SPAG17: variants seen among roughly 807,000 people sequenced by gnomAD.
SPAG17 encodes the protein sperm associated antigen 17.
A neutral mutation model predicts 273.6 loss-of-function variants in SPAG17; 169 were observed. That is an observed-to-expected ratio of 0.62 (90% CI 0.55 to 0.70). The LOEUF (loss-of-function observed/expected upper bound fraction) is 0.70, where lower values mean the gene tolerates loss of function less well. SPAG17 is among the 30% of genes least tolerant of loss of function. SPAG17 has a pLI of 0.00. For missense variants in SPAG17, 2,557 were observed against 2,627.8 expected (o/e 0.97, Z 0.59); for synonymous variants, 825 against 873.2 (o/e 0.94, Z 0.97).
intron 12 of SPAG17, 57 bp downstream of exon 12, chr1:118,086,614 A>G: frequency 7.1e-7 from 1 of 1,416,204 alleles, no homozygotes; most frequent in East Asian, 2.3e-5. Context: ...TCAACTGAAT[A>G]GTTATAAACA....
intron 29 of SPAG17, among the ~76,000 whole-genome samples, chr1:118,015,647 A>C (rs1659884732): frequency 6.6e-6 from 1 of 152,152 alleles, no homozygotes; most frequent in Admixed American, 6.5e-5. Context: ...CGACATCATT[A>C]ATCACATATA....
At chr1:118,059,791 T>C (rs1380876425) in intron 18 of SPAG17, among the ~76,000 whole-genome samples, 3 of 152,116 alleles carry the variant, frequency 2.0e-5, no homozygotes, top group African/African-American at 4.8e-5. Context: ...GCATGGAATA[T>C]CTTTTTCTCT....
At chr1:118,121,359 TGACTTTAGTGATATATATCAGGGG>T (rs1050040325) in intron 3 of SPAG17, among the ~76,000 whole-genome samples, 5 of 152,098 alleles carry the variant, frequency 3.3e-5, no homozygotes, top group Non-Finnish European at 7.4e-5. Flanking sequence ...ATGTGGTGTG[TGACTTTAGTGATATATATCAGGGG>T]GTCCCATCCC....
chr1:117,992,787 T>C, intron 35 of SPAG17, 139 bp from the exon 36 acceptor site: 1 of 737,190 alleles, frequency 1.4e-6, no homozygotes, highest in East Asian at 3.0e-5. Context: ...ATCCTTAACC[T>C]CAAAAAGTTC....
intron 46 of SPAG17, among the ~76,000 whole-genome samples, chr1:117,967,412 G>T (rs1313002504): frequency 6.6e-6 from 1 of 151,516 alleles, no homozygotes. Context: ...CACATTAGAA[G>T]AAGAAGTATT....
At chr1:117,995,843 T>A (rs777655953) in intron 34 of SPAG17, among the ~76,000 whole-genome samples, 4 of 152,070 alleles carry the variant, frequency 2.6e-5, no homozygotes, top group Non-Finnish European at 5.9e-5. Context: ...TAATGTTTTA[T>A]GTATCTCTAA....
chr1:118,121,021 C>T (rs1412990718), intron 3 of SPAG17, among the ~76,000 whole-genome samples: 2 of 152,090 alleles, frequency 1.3e-5, no homozygotes, highest in East Asian at 1.9e-4. Flanking sequence ...TTTGAAATGC[C>T]TGTCTGGCTC....
At chr1:118,116,271 C>T in intron 3 of SPAG17, among the ~76,000 whole-genome samples, 1 of 152,142 alleles carries the variant, frequency 6.6e-6, no homozygotes, top group East Asian at 1.9e-4. Context: ...TCTCTTTATT[C>T]ATGTTGTCTC....
chr1:117,989,956 T>C (rs544713847), intron 38 of SPAG17, among the ~76,000 whole-genome samples: 1 of 152,260 alleles, frequency 6.6e-6, no homozygotes, highest in East Asian at 1.9e-4. Context: ...AAAAAAATTA[T>C]TTGTCATTCA....
intron 32 of SPAG17, among the ~76,000 whole-genome samples, chr1:117,997,566 T>TAAAA (rs11428560): frequency 8.1e-6 from 1 of 123,400 alleles, no homozygotes; most frequent in African/African-American, 2.9e-5. Flanking sequence ...GAATGAGAAG[T>TAAAA]AAAAAAAAAA....
chr1:117,966,806 C>G, intron 46 of SPAG17, 53 bp from the exon 47 acceptor site: 1 of 1,476,328 alleles, frequency 6.8e-7, no homozygotes, highest in Non-Finnish European at 9.1e-7. Flanking sequence ...TCAAACCTTG[C>G]TTTTAATAAT....
intron 43 of SPAG17, among the ~76,000 whole-genome samples, chr1:117,973,936 C>T (rs1443897472): frequency 6.6e-6 from 1 of 152,158 alleles, no homozygotes; most frequent in African/African-American, 2.4e-5. Context: ...GGTTTTCTGT[C>T]ATTAATCTTC....
intron 4 of SPAG17, among the ~76,000 whole-genome samples, chr1:118,107,645 C>A (rs1277790996): frequency 6.6e-6 from 1 of 152,020 alleles, no homozygotes; most frequent in Non-Finnish European, 1.5e-5. Flanking sequence ...CAGCTGCATG[C>A]CACCATGCCC....
chr1:118,073,754 C>T, intron 17 of SPAG17, 100 bp downstream of exon 17: 1 of 751,542 alleles, frequency 1.3e-6, no homozygotes, highest in Non-Finnish European at 2.2e-6. Context: ...TTGATCTGAA[C>T]TAGATCTGAG....
chr1:118,091,045 A>T (rs1278728763), intron 10 of SPAG17, among the ~76,000 whole-genome samples: 1 of 152,198 alleles, frequency 6.6e-6, no homozygotes, highest in Non-Finnish European at 1.5e-5. Context: ...ATGATCAAGA[A>T]AAGGAAAGCA....
At chr1:118,009,241 T>C (rs1659218203) in intron 30 of SPAG17, among the ~76,000 whole-genome samples, 1 of 139,900 alleles carries the variant, frequency 7.1e-6, no homozygotes, top group African/African-American at 2.8e-5. Flanking sequence ...AGACTTTAGG[T>C]GCTCATAACA....
rs536435537 is a variant in SPAG17, at chr1:117,984,571, G to A, written c.5769+112C>T. 1.8e-5 allele frequency: 12 copies of A among 677,140 alleles called. No homozygotes were observed. The East Asian group carries it at 2.5e-4, about 14-fold the overall frequency. The allele number at this position is 677,140 out of a possible 1,614,324, so 41.9% of individuals were successfully genotyped here. A position where few individuals can be genotyped will look rare whatever the true frequency, so the allele number is the denominator to read the frequency against. ...AGGGTACAGGTTAGTCAGCCAGGTC[G>A]ATGCAGGAAAGAATTAAACAGCATC... On this transcript the variant is annotated intron_variant, in intron 41 of 48. Transcript: ENST00000336338.
intron 24 of SPAG17, 58 bp downstream of exon 24, chr1:118,036,712 A>G: frequency 9.1e-7 from 1 of 1,098,892 alleles, no homozygotes; most frequent in African/African-American, 1.6e-5. Flanking sequence ...GAGAATGGGC[A>G]GTGGCAGGGA....
At chr1:118,050,243 A>C (rs550529908) in intron 20 of SPAG17, among the ~76,000 whole-genome samples, 141 of 152,314 alleles carry the variant, frequency 9.3e-4, no homozygotes, top group African/African-American at 3.2e-3. Context: ...ACACCAAGTC[A>C]AAAGGTCAAA....
Sources: gnomAD v4.1 joint callset for allele counts (sites outside exome capture counted in the v4.1 genomes callset) on GRCh38, gnomAD v4.1.1 for gene constraint, MANE v1.5 for transcripts, NCBI Gene and HGNC (gene_info 2026-07-23, HGNC 2026-07-21) for gene names.